COL28A1: variants seen among roughly 807,000 people sequenced by gnomAD.
COL28A1 encodes the protein collagen alpha-1(XXVIII) chain.
A neutral mutation model predicts 150.2 loss-of-function variants in COL28A1; 161 were observed. The observed-to-expected ratio is 1.07, with a 90% CI of 0.94 to 1.22. The LOEUF (loss-of-function observed/expected upper bound fraction) is 1.22. COL28A1 is among the 50% of genes most tolerant of loss of function. The pLI is 0.00. For missense variants in COL28A1, 1,617 were observed against 1,388.3 expected, an observed-to-expected ratio of 1.16 and a Z score of -2.62; for synonymous variants, 552 against 469.7, an observed-to-expected ratio of 1.18 and a Z score of -2.26.
At chr7:7,349,370 C>G in the COL28A1 span, among the ~76,000 whole-genome samples, 1 of 152,194 alleles carries the variant, frequency 6.6e-6, no homozygotes, top group East Asian at 1.9e-4. Flanking sequence ...CCAGTATTAG[C>G]ACCTGCTCCC....
intron 6 of COL28A1, among the ~76,000 whole-genome samples, chr7:7,519,840 A>C (rs1263865803): frequency 1.3e-5 from 2 of 152,186 alleles, no homozygotes; most frequent in Non-Finnish European, 2.9e-5. Context: ...AGGTTTCCTA[A>C]ACTTACTGAC....
At chr7:7,455,217 C>G (rs1017708635) in intron 16 of COL28A1, among the ~76,000 whole-genome samples, 1 of 152,178 alleles carries the variant, frequency 6.6e-6, no homozygotes, top group African/African-American at 2.4e-5. Flanking sequence ...TCAAACCTGA[C>G]CTGCCACTTT....
chr7:7,474,549 C>G, intron 15 of COL28A1, 52 bp downstream of exon 15: 1 of 851,814 alleles, frequency 1.2e-6, no homozygotes. Flanking sequence ...ACATAAAGAA[C>G]AATGACAATT....
rs146933640 is a variant in COL28A1 at position 7,384,376 on chromosome 7, A to G, written c.2137-2764T>C. ...TCTTCTTTATTCAGTTTAAAGTCAG[A>G]ATAGAATACAGTAGTCCCCCTTTAT... On this transcript the variant is annotated intron_variant, in intron 27 of 34. Coordinates refer to ENST00000399429, the MANE Select transcript of COL28A1 (RefSeq NM_001037763.3). Among the ~76,000 whole-genome samples, 1,007 of 152,294 alleles carry G rather than the reference A, an allele frequency of 6.6e-3. 15 individuals are homozygous for G. Among genetic ancestry groups the G allele is most frequent in the African/African-American group, 0.023 (953 of 41,564 alleles).
At chr7:7,482,485 A>G (rs562778774) in intron 13 of COL28A1, among the ~76,000 whole-genome samples, 8 of 151,478 alleles carry the variant, frequency 5.3e-5, no homozygotes, top group East Asian at 1.9e-4. Flanking sequence ...AGATCGCCCA[A>G]TTGTGCTCCA....
At chr7:7,376,037 G>C (rs773677871) in intron 30 of COL28A1, among the ~76,000 whole-genome samples, 8 of 151,916 alleles carry the variant, frequency 5.3e-5, no homozygotes, top group African/African-American at 9.7e-5. Context: ...CCTCACTTTG[G>C]CTCTTCTGTG....
At chr7:7,505,891 A>C in intron 11 of COL28A1, 123 bp downstream of exon 11, 1 of 703,182 alleles carries the variant, frequency 1.4e-6, no homozygotes. Context: ...TCTGCAGGTT[A>C]TTATGCATTT....
chr7:7,528,184 C>A (rs927989453), intron 3 of COL28A1, among the ~76,000 whole-genome samples: 1 of 152,034 alleles, frequency 6.6e-6, no homozygotes, highest in Non-Finnish European at 1.5e-5. Context: ...TCCATAAAGG[C>A]TTTTTAAATA....
chr7:7,444,553 T>G, intron 18 of COL28A1, 64 bp from the exon 19 acceptor site: 1 of 1,495,340 alleles, frequency 6.7e-7, no homozygotes, highest in Non-Finnish European at 9.3e-7. Flanking sequence ...GTACTTGCAA[T>G]TGGATGTATC....
chr7:7,538,907 C>T (rs533605757), upstream of COL28A1, among the ~76,000 whole-genome samples: 1 of 151,108 alleles, frequency 6.6e-6, no homozygotes, highest in African/African-American at 2.4e-5. Flanking sequence ...ACCTTCGTAC[C>T]TGATTTGAAG....
intron 30 of COL28A1, 121 bp downstream of exon 30, chr7:7,380,539 T>A: frequency 1.2e-6 from 1 of 804,790 alleles, no homozygotes; most frequent in Non-Finnish European, 2.1e-6. Context: ...TAGTAGTTGA[T>A]CTCATTTAAA....
intron 27 of COL28A1, among the ~76,000 whole-genome samples, chr7:7,382,155 C>A (rs1781907859): frequency 6.6e-6 from 1 of 152,068 alleles, no homozygotes; most frequent in African/African-American, 2.4e-5. Flanking sequence ...ACTGAAAACA[C>A]AAAAATTAGC....
chr7:7,365,478 T>G (rs564266595), intron 33 of COL28A1, among the ~76,000 whole-genome samples: 1 of 152,260 alleles, frequency 6.6e-6, no homozygotes, highest in East Asian at 1.9e-4. Context: ...CCATTCTCTT[T>G]CAGCCTTTGA....
chr7:7,394,789 C>A (rs1191891727), intron 27 of COL28A1, among the ~76,000 whole-genome samples: 1 of 152,202 alleles, frequency 6.6e-6, no homozygotes, highest in Non-Finnish European at 1.5e-5. Flanking sequence ...TGTTTGAGTT[C>A]ATGCCTTCCC....
intron 11 of COL28A1, among the ~76,000 whole-genome samples, chr7:7,495,271 T>G (rs1428972931): frequency 1.3e-5 from 2 of 152,226 alleles, no homozygotes; most frequent in African/African-American, 4.8e-5. Flanking sequence ...TATCTTATAC[T>G]TACAGCACAT....
intron 9 of COL28A1, among the ~76,000 whole-genome samples, chr7:7,507,931 T>A (rs6967447): frequency 0.16 from 24,974 of 152,132 alleles, 2,125 homozygotes; most frequent in East Asian, 0.21. Flanking sequence ...GGCCTTACAC[T>A]GTATCAAAAA....
rs1781000782 is a variant in COL28A1 at position 7,509,401 on chromosome 7, C to G, written c.927+1690G>C. On this transcript the variant is annotated intron_variant, in intron 9 of 34. Coordinates refer to ENST00000399429, the MANE Select transcript of COL28A1 (RefSeq NM_001037763.3). ...GCCTAATTTTAATGTATTAATTTCA[C>G]TTATCTGATTGCTACTGTATTCGGA... Among the ~76,000 whole-genome samples the G allele has an allele frequency of 5.9e-5, 9 of 152,186 alleles. No homozygotes were observed. In the South Asian group the frequency reaches 1.7e-3, roughly 28 times the overall value.
intron 31 of COL28A1, among the ~76,000 whole-genome samples, chr7:7,374,822 G>T (rs1232756418): frequency 3.3e-5 from 5 of 152,138 alleles, no homozygotes; most frequent in Admixed American, 3.3e-4. Flanking sequence ...TCTCTGTATA[G>T]AAGGACAATA....
At chr7:7,359,219 A>G (rs1361027511) in intron 34 of COL28A1, among the ~76,000 whole-genome samples, 1 of 151,994 alleles carries the variant, frequency 6.6e-6, no homozygotes, top group Non-Finnish European at 1.5e-5. Flanking sequence ...ATTTCCTCCC[A>G]TTCTGTTCAC....
Sources: allele counts gnomAD v4.1 joint callset (sites outside exome capture counted in the v4.1 genomes callset), GRCh38; gene constraint gnomAD v4.1.1; transcripts MANE v1.5; gene names NCBI Gene and HGNC (gene_info 2026-07-23, HGNC 2026-07-21).